Variants in ADCY5 observed in about 807,000 individuals in gnomAD.
ADCY5 encodes adenylate cyclase 5, also known as adenylate cyclase type 5.
In ADCY5, 30 loss-of-function variants were observed where a neutral mutation model predicts 119.7. The observed-to-expected ratio is 0.25, with a 90% CI of 0.19 to 0.34. The LOEUF is 0.34. ADCY5 is among the 10% of genes least tolerant of loss of function. ADCY5 has a pLI of 1.00. For missense variants in ADCY5, 1,324 were observed against 1,775.2 expected (o/e 0.75, Z 4.57); for synonymous variants, 753 against 762.2 (o/e 0.99, Z 0.20).
At chr3:123,445,639 C>G (rs1430728950) in intron 1 of ADCY5, among the ~76,000 whole-genome samples, 1 of 152,188 alleles carries the variant, frequency 6.6e-6, no homozygotes, top group Non-Finnish European at 1.5e-5. Flanking sequence ...ACCACCACCT[C>G]TCAAAAGTCT....
Position 123,447,883 on chromosome 3 carries a change from G to T in ADCY5, c.663C>A (p.Phe221Leu). 1 of 1,612,360 alleles carries T rather than the reference G, an allele frequency of 6.2e-7. No individual in the cohort carries two copies. The highest frequency in any genetic ancestry group is 8.5e-7 in the Non-Finnish European group (1 of 1,179,508). Residue 221 changes from phenylalanine to leucine, a missense_variant, in exon 1 of 21, where the codon TTC (phenylalanine) becomes TTA (leucine). Transcript: ENST00000462833. ...ALLQIFRSKK[F>L]PSDKLERLYQ... ...ACAGCCGCTCCAGTTTGTCCGACGG[G>T]AACTTCTTGGAGCGGAATATCTGCA...
intron 1 of ADCY5, among the ~76,000 whole-genome samples, chr3:123,410,173 G>C (rs928397033): frequency 6.6e-5 from 10 of 152,176 alleles, no homozygotes; most frequent in African/African-American, 2.4e-4. Context: ...GAATGAGAAA[G>C]GGAGGGAAGG....
At chr3:123,385,884 G>A (rs1021244875) in intron 1 of ADCY5, among the ~76,000 whole-genome samples, 1 of 152,046 alleles carries the variant, frequency 6.6e-6, no homozygotes, top group Non-Finnish European at 1.5e-5. Flanking sequence ...GAGAATCATC[G>A]TCACCACCAT....
chr3:123,392,952 G>A (rs184275181), intron 1 of ADCY5, among the ~76,000 whole-genome samples: 1 of 152,278 alleles, frequency 6.6e-6, no homozygotes, highest in Admixed American at 6.5e-5. Flanking sequence ...ATGATCAGAA[G>A]GGGGTCTCTA....
At chr3:123,429,665 A>G (rs1576691949) in intron 1 of ADCY5, among the ~76,000 whole-genome samples, 1 of 151,996 alleles carries the variant, frequency 6.6e-6, no homozygotes, top group African/African-American at 2.4e-5. Flanking sequence ...CTCTAAAACC[A>G]CCTGATGGCC....
chr3:123,345,242 T>C (rs6807089), intron 3 of ADCY5, among the ~76,000 whole-genome samples: 57,646 of 152,070 alleles, frequency 0.38, 11,928 homozygotes, highest in Admixed American at 0.48. Flanking sequence ...AGATGCCTGC[T>C]GAGTGGGAGA....
intron 1 of ADCY5, among the ~76,000 whole-genome samples, chr3:123,365,689 T>G (rs982032781): frequency 3.3e-5 from 5 of 152,134 alleles, no homozygotes; most frequent in African/African-American, 1.2e-4. Flanking sequence ...AATCAGGTGT[T>G]GTGGAAGAGG....
intron 5 of ADCY5, 63 bp from the exon 6 acceptor site, chr3:123,328,865 G>A: frequency 1.3e-6 from 2 of 1,526,774 alleles, no homozygotes; most frequent in South Asian, 1.2e-5. Flanking sequence ...GAATGGGGGT[G>A]AGGCTGCAGG....
chr3:123,406,272 C>G (rs1944898184), intron 1 of ADCY5, among the ~76,000 whole-genome samples: 1 of 152,230 alleles, frequency 6.6e-6, no homozygotes, highest in African/African-American at 2.4e-5. Flanking sequence ...TCCCTGGAAA[C>G]CACAATAAAG....
chr3:123,403,642 C>G (rs970430173), intron 1 of ADCY5, among the ~76,000 whole-genome samples: 1 of 152,158 alleles, frequency 6.6e-6, no homozygotes, highest in African/African-American at 2.4e-5. Context: ...TCCTCCCAAT[C>G]CCCCTCAACA....
At chr3:123,347,135 C>T (rs993944467) in intron 3 of ADCY5, among the ~76,000 whole-genome samples, 2 of 152,078 alleles carry the variant, frequency 1.3e-5, no homozygotes, top group African/African-American at 4.8e-5. Flanking sequence ...TTCTCCATGA[C>T]TGGCTTTTTA....
chr3:123,417,919 T>C (rs189436477), intron 1 of ADCY5, among the ~76,000 whole-genome samples: 2 of 152,186 alleles, frequency 1.3e-5, no homozygotes, highest in African/African-American at 4.8e-5. Flanking sequence ...TGGAGGAAAA[T>C]GCAGAGTGGG....
chr3:123,300,034 G>A, intron 15 of ADCY5, 86 bp downstream of exon 15: 3 of 1,425,656 alleles, frequency 2.1e-6, no homozygotes, highest in Non-Finnish European at 1.9e-6. Flanking sequence ...AGTTCCCTGT[G>A]GTGCCAGAAC....
chr3:123,359,370 T>C (rs958090865), intron 1 of ADCY5, among the ~76,000 whole-genome samples: 33 of 96,092 alleles, frequency 3.4e-4, no homozygotes, highest in African/African-American at 1.3e-3. Flanking sequence ...ATATTCATTA[T>C]TTATCTGAAA....
chr3:123,393,980 A>G (rs2107591646), intron 1 of ADCY5, among the ~76,000 whole-genome samples: 1 of 152,236 alleles, frequency 6.6e-6, no homozygotes, highest in African/African-American at 2.4e-5. Context: ...CTAAAAATAC[A>G]CACACACAAA....
intron 3 of ADCY5, among the ~76,000 whole-genome samples, chr3:123,345,759 CAG>C (rs60348182): frequency 0.38 from 44,219 of 116,214 alleles, 8,612 homozygotes; most frequent in Non-Finnish European, 0.49. Context: ...GACAGACAGA[CAG>C]ACAGACAGAC....
intron 12 of ADCY5, among the ~76,000 whole-genome samples, chr3:123,306,007 G>C (rs1196771450): frequency 6.6e-6 from 1 of 152,178 alleles, no homozygotes; most frequent in Non-Finnish European, 1.5e-5. Context: ...CCCAGCAGGA[G>C]AGCCTCCCAG....
chr3:123,424,096 T>C (rs1945353783), intron 1 of ADCY5, among the ~76,000 whole-genome samples: 1 of 152,244 alleles, frequency 6.6e-6, no homozygotes, highest in Non-Finnish European at 1.5e-5. Context: ...ACAAGGAGAC[T>C]GGAAGCCAGC....
intron 12 of ADCY5, among the ~76,000 whole-genome samples, chr3:123,306,202 T>A (rs1940187521): frequency 6.6e-6 from 1 of 152,166 alleles, no homozygotes; most frequent in Non-Finnish European, 1.5e-5. Context: ...TAAAAATAAA[T>A]CAAATACATT....
Sources: gnomAD v4.1 joint callset for allele counts (sites outside exome capture counted in the v4.1 genomes callset) on GRCh38, gnomAD v4.1.1 for gene constraint, MANE v1.5 for transcripts, NCBI Gene and HGNC (gene_info 2026-07-23, HGNC 2026-07-21) for gene names.